The following DAP3 variants were observed in gnomAD, a reference collection of about 807,000 sequenced individuals.
DAP3 encodes the protein small ribosomal subunit protein mS29.
In DAP3, 28 loss-of-function variants were observed where a neutral mutation model predicts 51.9. That is an observed-to-expected ratio of 0.54 (90% confidence interval 0.40 to 0.74). DAP3 has a LOEUF of 0.74. DAP3 is among the 30% of genes least tolerant of loss of function. DAP3 has a pLI of 0.00. For synonymous variants in DAP3, 170 were observed against 170.3 expected (o/e 1.00, Z 0.01); for missense variants, 458 against 483.5 (o/e 0.95, Z 0.49).
At chr1:155,698,056 C>T (rs1165898337) in intron 1 of DAP3, among the ~76,000 whole-genome samples, 2 of 152,204 alleles carry the variant, frequency 1.3e-5, no homozygotes, top group East Asian at 1.9e-4. Flanking sequence ...TTATGGTTAT[C>T]TCCCTTGTTC....
chr1:155,709,744 C>G (rs1571481666), intron 1 of DAP3, 29 bp from the exon 2 acceptor site: 1 of 1,586,714 alleles, frequency 6.3e-7, no homozygotes, highest in Admixed American at 1.7e-5. Flanking sequence ...TTGTGGTTTA[C>G]CTTTTCACTT....
At chr1:155,714,534 G>GC (rs1657100963) in intron 2 of DAP3, among the ~76,000 whole-genome samples, 1 of 152,166 alleles carries the variant, frequency 6.6e-6, no homozygotes. Context: ...GGAGGCTAAG[G>GC]CGGGCAGATC....
intron 7 of DAP3, 30 bp downstream of exon 7, chr1:155,727,768 G>C (rs777508967): frequency 6.2e-7 from 1 of 1,609,326 alleles, no homozygotes; most frequent in East Asian, 2.2e-5. Flanking sequence ...TTGAGTGCTA[G>C]GTAGTCCTTA....
intron 1 of DAP3, among the ~76,000 whole-genome samples, chr1:155,693,052 A>T (rs1223208690): frequency 7.1e-6 from 1 of 141,204 alleles, no homozygotes; most frequent in Admixed American, 6.6e-5. Context: ...TCTGGTAAAC[A>T]CTCCCTTTAA....
rs550913475 is a variant in DAP3 at position 155,702,973 on chromosome 1, AAAAAAG to A, written c.-7-6782_-7-6777del. 9.9e-4 allele frequency among the ~76,000 whole-genome samples: 151 copies of A among 152,296 alleles called. 1 individual carries two copies. Among genetic ancestry groups the A allele is most frequent in the African/African-American group, 3.2e-3 (131 of 41,550 alleles). On this transcript the variant is annotated intron_variant, in intron 1 of 12. Transcript: ENST00000368336. ...GACAGAGTGAGACTCCGTTTCAAGAAAAAAAGAAAAAGAAAAAGAAAAATCAGTTGA... is the reference window on the plus strand; with the variant it reads ...GACAGAGTGAGACTCCGTTTCAAGAAAAAAAGAAAAAGAAAAATCAGTTGA...
upstream of DAP3, chr1:155,688,843 A>C: frequency 6.3e-7 from 1 of 1,590,224 alleles, no homozygotes; most frequent in Non-Finnish European, 8.6e-7. Context: ...CTGCAGGGGC[A>C]GGAGAGGAAG....
intron 9 of DAP3, among the ~76,000 whole-genome samples, chr1:155,731,086 G>A (rs1659187544): frequency 6.6e-6 from 1 of 152,018 alleles, no homozygotes; most frequent in South Asian, 2.1e-4. Flanking sequence ...TGGCTAACAC[G>A]GGGAAACCCT....
chr1:155,689,339 G>A (rs1414720055), intron 1 of DAP3, 165 bp downstream of exon 1: 2 of 566,156 alleles, frequency 3.5e-6, no homozygotes, highest in South Asian at 1.5e-5. Context: ...TCGGCGTGGT[G>A]GTGTGCTTTT....
At chr1:155,731,288 A>C in intron 9 of DAP3, 68 bp from the exon 10 acceptor site, 2 of 1,502,366 alleles carry the variant, frequency 1.3e-6, no homozygotes, top group Non-Finnish European at 9.2e-7. Context: ...AATTGTTGTC[A>C]ATTGTTTCGG....
At chr1:155,715,164 C>T (rs1657178061) in intron 2 of DAP3, among the ~76,000 whole-genome samples, 1 of 147,808 alleles carries the variant, frequency 6.8e-6, no homozygotes, top group Non-Finnish European at 1.5e-5. Context: ...GATTGTGCCA[C>T]TGCACCCCAG....
intron 11 of DAP3, 87 bp from the exon 12 acceptor site, chr1:155,736,859 C>T: frequency 2.8e-6 from 3 of 1,087,198 alleles, no homozygotes; most frequent in Non-Finnish European, 4.2e-6. Flanking sequence ...AAACAAATAC[C>T]TTACCTTCAA....
upstream of DAP3, chr1:155,688,667 G>A: frequency 6.5e-7 from 1 of 1,532,876 alleles, no homozygotes; most frequent in Non-Finnish European, 8.7e-7. Flanking sequence ...ACCTTCAGCG[G>A]CGCGAGCCCA....
intron 1 of DAP3, chr1:155,689,523 C>T (rs1190531957): frequency 9.5e-6 from 4 of 420,802 alleles, no homozygotes; most frequent in East Asian, 7.1e-5. Flanking sequence ...GACTCAGTTT[C>T]CCTTGTCTTC....
At position 155,738,798 on chromosome 1, in the gene DAP3, C is replaced by CCTGT. The variant is rs1385025905; in HGVS notation, c.*559_*562dup. The CCTGT allele has an allele frequency of 1.3e-5, 2 of 151,922 alleles. No individual in the cohort carries two copies. Among genetic ancestry groups the CCTGT allele is most frequent in the East Asian group, 3.9e-4 (2 of 5,168 alleles). The allele number at this position is 151,922 out of a possible 1,614,324, so 9.4% of individuals were successfully genotyped here. A position where few individuals can be genotyped will look rare whatever the true frequency, so the allele number is the denominator to read the frequency against. ...ACCAGCCTGGGCAACATGGTGAAAA[C>CCTGT]CTGTCTCTACTAAAAATACAAAAAT... On this transcript the variant is annotated 3_prime_UTR_variant, in exon 13 of 13. Transcript: ENST00000368336.
chr1:155,727,472 A>C, intron 6 of DAP3, 136 bp from the exon 7 acceptor site: 1 of 771,686 alleles, frequency 1.3e-6, no homozygotes, highest in South Asian at 3.8e-5. Flanking sequence ...CTGTCTCAAA[A>C]AAAAAAAAAA....
At chr1:155,705,323 A>C (rs966416335) in intron 1 of DAP3, among the ~76,000 whole-genome samples, 2 of 146,386 alleles carry the variant, frequency 1.4e-5, no homozygotes, top group African/African-American at 5.1e-5. Context: ...GAAGCAGAGC[A>C]TGGTGGCTCA....
intron 11 of DAP3, among the ~76,000 whole-genome samples, chr1:155,735,158 A>T (rs1161737864): frequency 2.6e-5 from 4 of 151,370 alleles, no homozygotes. Context: ...TGGGGCGCCT[A>T]TAGTCCCAGA....
chr1:155,714,053 G>C (rs1657039775), intron 2 of DAP3, among the ~76,000 whole-genome samples: 1 of 152,170 alleles, frequency 6.6e-6, no homozygotes, highest in African/African-American at 2.4e-5. Context: ...TTTAAATGGG[G>C]AGAGAGGGAA....
At chr1:155,708,789 C>G (rs1279605098) in intron 1 of DAP3, among the ~76,000 whole-genome samples, 1 of 150,652 alleles carries the variant, frequency 6.6e-6, no homozygotes, top group Admixed American at 6.6e-5. Context: ...ACTGTAAGCT[C>G]CGCCTCCCAG....
Sources: allele counts gnomAD v4.1 joint callset (sites outside exome capture counted in the v4.1 genomes callset), GRCh38; gene constraint gnomAD v4.1.1; transcripts MANE v1.5; gene names NCBI Gene and HGNC (gene_info 2026-07-23, HGNC 2026-07-21).